Variants in MYZAP observed in about 807,000 individuals in gnomAD.
MYZAP encodes the protein myocardial zonula adherens protein, also known as GRINL1A complex locus upstream.
MYZAP carries 66 observed loss-of-function variants against 69.4 expected under a neutral mutation model. The observed-to-expected ratio is 0.95, with a 90% CI of 0.78 to 1.17. The LOEUF is 1.17. Among genes scored for constraint, MYZAP ranks in the 50% most tolerant of loss-of-function variants. MYZAP has a pLI of 0.00. For synonymous variants in MYZAP, 256 were observed against 205.9 expected (o/e 1.24, Z -2.09); for missense variants, 611 against 556.2 (o/e 1.10, Z -0.99).
At chr15:57,624,004 A>G (rs1378842054) in intron 4 of MYZAP, among the ~76,000 whole-genome samples, 1 of 152,216 alleles carries the variant, frequency 6.6e-6, no homozygotes, top group African/African-American at 2.4e-5. Flanking sequence ...GAAAGTAACT[A>G]ACAACTGTTT....
chr15:57,596,189 C>A (rs1231309323), intron 1 of MYZAP, among the ~76,000 whole-genome samples: 2 of 152,064 alleles, frequency 1.3e-5, no homozygotes, highest in Non-Finnish European at 2.9e-5. Context: ...TGATTTTGAC[C>A]CATTTGTCTC....
chr15:57,617,915 G>A (rs1368213429), intron 2 of MYZAP, 118 bp from the exon 3 acceptor site: 6 of 1,357,056 alleles, frequency 4.4e-6, no homozygotes, highest in Non-Finnish European at 5.8e-6. Flanking sequence ...CATCTCCACT[G>A]CCAGGCAATG....
At chr15:57,593,967 A>T (rs1416962171) in intron 1 of MYZAP, among the ~76,000 whole-genome samples, 2 of 152,324 alleles carry the variant, frequency 1.3e-5, no homozygotes, top group East Asian at 3.9e-4. Flanking sequence ...AAGGGCTGGC[A>T]TTGGGGTCCG....
intron 11 of MYZAP, among the ~76,000 whole-genome samples, chr15:57,669,017 A>T: frequency 6.6e-6 from 1 of 151,680 alleles, no homozygotes; most frequent in Non-Finnish European, 1.5e-5. Flanking sequence ...CAGCCTCCTG[A>T]GTAGCTGGCA....
intron 12 of MYZAP, among the ~76,000 whole-genome samples, chr15:57,679,270 G>A (rs2039302329): frequency 6.6e-6 from 1 of 151,570 alleles, no homozygotes; most frequent in Non-Finnish European, 1.5e-5. Flanking sequence ...CAGGTGATCA[G>A]TATTATCACA....
chr15:57,631,884 C>T (rs538805410), intron 6 of MYZAP, among the ~76,000 whole-genome samples: 14 of 152,252 alleles, frequency 9.2e-5, no homozygotes, highest in African/African-American at 3.1e-4. Flanking sequence ...TGTGTGAGAA[C>T]GTGGCCTGGC....
chr15:57,633,162 G>A (rs1472591855), intron 7 of MYZAP, among the ~76,000 whole-genome samples: 1 of 152,210 alleles, frequency 6.6e-6, no homozygotes, highest in East Asian at 1.9e-4. Flanking sequence ...GTCCGTAGAG[G>A]CTTAATACAT....
intron 10 of MYZAP, among the ~76,000 whole-genome samples, chr15:57,656,326 T>C (rs1254962106): frequency 2.6e-5 from 4 of 152,200 alleles, no homozygotes; most frequent in African/African-American, 9.6e-5. Context: ...AATATAAAGA[T>C]GATCAAAGTC....
intron 10 of MYZAP, among the ~76,000 whole-genome samples, chr15:57,642,093 C>A (rs1284483540): frequency 1.3e-5 from 2 of 152,210 alleles, no homozygotes; most frequent in Non-Finnish European, 2.9e-5. Flanking sequence ...ATACTGGCTG[C>A]ACTGGTAAGG....
chr15:57,602,613 TAGGG>T (rs371110106), intron 1 of MYZAP, among the ~76,000 whole-genome samples: 84 of 152,336 alleles, frequency 5.5e-4, no homozygotes, highest in African/African-American at 1.9e-3. Context: ...CAACCCATAT[TAGGG>T]AGCCAACAGC....
At chr15:57,639,708 A>G (rs562386211) in intron 10 of MYZAP, among the ~76,000 whole-genome samples, 163 bp downstream of exon 10, 5 of 152,246 alleles carry the variant, frequency 3.3e-5, no homozygotes, top group East Asian at 3.9e-4. Flanking sequence ...CATGTCCCCC[A>G]TGGACTGATG....
At chr15:57,602,836 A>C (rs1333321999) in intron 1 of MYZAP, among the ~76,000 whole-genome samples, 1 of 152,194 alleles carries the variant, frequency 6.6e-6, no homozygotes, top group African/African-American at 2.4e-5. Context: ...GGTGAGGCTT[A>C]AATGAATAAA....
intron 2 of MYZAP, among the ~76,000 whole-genome samples, chr15:57,605,957 G>A (rs768090702): frequency 1.3e-5 from 2 of 152,132 alleles, no homozygotes; most frequent in Non-Finnish European, 2.9e-5. Flanking sequence ...TACGTTTGTA[G>A]TGATAATTGG....
At chr15:57,660,507 G>T (rs1344693226) in intron 10 of MYZAP, among the ~76,000 whole-genome samples, 2 of 152,088 alleles carry the variant, frequency 1.3e-5, no homozygotes, top group East Asian at 3.9e-4. Flanking sequence ...TAGAGGCAGG[G>T]TCTCACTATG....
intron 12 of MYZAP, among the ~76,000 whole-genome samples, chr15:57,682,971 C>T (rs2039516843): frequency 6.6e-6 from 1 of 152,108 alleles, no homozygotes; most frequent in African/African-American, 2.4e-5. Context: ...ATCATGTGTT[C>T]ATGCTCATTT....
At chr15:57,635,743 G>A (rs997678943) in intron 8 of MYZAP, among the ~76,000 whole-genome samples, 4 of 152,194 alleles carry the variant, frequency 2.6e-5, no homozygotes, top group Admixed American at 6.5e-5. Context: ...CTCACACTAC[G>A]TGAACGGCAT....
Position 57,592,091 on chromosome 15 carries a change from CG to C in MYZAP, c.61del (p.Ala21ArgfsTer13). 2.2e-6 allele frequency: 3 copies of C among 1,372,552 alleles called. No homozygotes were observed. Among genetic ancestry groups the C allele is most frequent in the South Asian group, 3.3e-5 (2 of 60,110 alleles). 85.0% of individuals were successfully genotyped at this position (1,372,552 alleles called of 1,614,324 possible). On this transcript the variant is annotated frameshift_variant, in exon 1 of 13. Coordinates refer to ENST00000267853, the MANE Select transcript of MYZAP (RefSeq NM_001018100.5). LOFTEE classifies it high-confidence loss of function. ...LLSGGAARTP[G>X]APSRRANVCR... Reference sequence around the variant, plus strand: ...TCTCGGGCGGCGCCGCCAGGACGCCCGGGGCGCCCAGCAGGAGGGTGAGTAG... The same window carrying C: ...TCTCGGGCGGCGCCGCCAGGACGCCCGGGCGCCCAGCAGGAGGGTGAGTAG...
rs1388687596 is a variant in MYZAP at position 57,629,751 on chromosome 15, TCA to T, written c.576_577del (p.Ile192MetfsTer8). 6.2e-7 allele frequency: 1 copy of T among 1,613,754 alleles called. No individual in the cohort carries two copies. Among genetic ancestry groups the T allele is most frequent in the Non-Finnish European group, 8.5e-7 (1 of 1,179,940 alleles). On this transcript the variant is annotated frameshift_variant, in exon 6 of 13. Transcript: ENST00000267853. LOFTEE classifies it high-confidence loss of function. ...GAAAACAGCAACATTAAGGATCAAA[TCA>T]GAAATCTGCAGCAGACGTATGAAGC...
At chr15:57,664,791 C>T (rs2038488343) in intron 11 of MYZAP, among the ~76,000 whole-genome samples, 1 of 152,168 alleles carries the variant, frequency 6.6e-6, no homozygotes, top group South Asian at 2.1e-4. Flanking sequence ...TACCTGAGTA[C>T]AAATCTCAGC....
Sources: allele counts gnomAD v4.1 joint callset (sites outside exome capture counted in the v4.1 genomes callset), GRCh38; gene constraint gnomAD v4.1.1; transcripts MANE v1.5; gene names NCBI Gene and HGNC (gene_info 2026-07-23, HGNC 2026-07-21).